CPQ: variants seen among roughly 807,000 people sequenced by gnomAD.
CPQ encodes carboxypeptidase Q, also known as Ser-Met dipeptidase.
Under a neutral mutation model 45.7 loss-of-function variants are expected in CPQ, and 37 were observed. The ratio of observed to expected loss-of-function variants is 0.81; its 90% CI spans 0.62 to 1.07. The LOEUF is 1.07. CPQ is among the 50% of genes least tolerant of loss of function. The probability of loss-of-function intolerance (pLI) is 0.00; values close to 1 mark genes in which losing one functional copy is unlikely to be tolerated. For missense variants in CPQ, 537 were observed against 572.9 expected (o/e 0.94, Z 0.64); for synonymous variants, 186 against 205.8 (o/e 0.90, Z 0.82).
intron 5 of CPQ, among the ~76,000 whole-genome samples, chr8:97,009,788 G>T (rs1291135687): frequency 6.6e-6 from 1 of 152,140 alleles, no homozygotes; most frequent in African/African-American, 2.4e-5. Context: ...TTTTATCCGA[G>T]GTCTGTGCAT....
At chr8:96,682,500 G>A (rs947002508) in intron 1 of CPQ, among the ~76,000 whole-genome samples, 2 of 152,176 alleles carry the variant, frequency 1.3e-5, no homozygotes, top group African/African-American at 2.4e-5. Flanking sequence ...TTTGTAAGTT[G>A]CCTAGTCTTG....
chr8:96,964,131 C>T (rs187306565), intron 4 of CPQ, among the ~76,000 whole-genome samples: 239 of 145,388 alleles, frequency 1.6e-3, no homozygotes, highest in Non-Finnish European at 3.0e-3. Context: ...ATTATGAATA[C>T]TCTGTTATGA....
At chr8:96,987,209 T>G (rs536172814) in intron 5 of CPQ, among the ~76,000 whole-genome samples, 1 of 152,162 alleles carries the variant, frequency 6.6e-6, no homozygotes, top group Non-Finnish European at 1.5e-5. Flanking sequence ...ATTGTCAGAT[T>G]TGAGCTCTTG....
chr8:96,861,159 A>G (rs1586429630), intron 3 of CPQ, among the ~76,000 whole-genome samples: 2 of 152,272 alleles, frequency 1.3e-5, no homozygotes, highest in Non-Finnish European at 2.9e-5. Flanking sequence ...GTACTACATC[A>G]TATAAATTGT....
At chr8:97,058,606 G>A (rs571242770) in intron 6 of CPQ, among the ~76,000 whole-genome samples, 6 of 152,274 alleles carry the variant, frequency 3.9e-5, no homozygotes, top group Non-Finnish European at 7.4e-5. Context: ...CAGATAACCT[G>A]TTAGAAGAGG....
rs113681002 is a variant in CPQ, at chr8:96,897,859, C to T, written c.849+17854C>T. 5.0e-3 allele frequency among the ~76,000 whole-genome samples: 768 copies of T among 152,220 alleles called. 11 individuals are homozygous for T. The highest frequency in any genetic ancestry group is 0.018 in the African/African-American group (738 of 41,526). On this transcript the variant is annotated intron_variant, in intron 4 of 7. Coordinates refer to ENST00000220763, the MANE Select transcript of CPQ (RefSeq NM_016134.4). Reference sequence around the variant, plus strand: ...TAAATTGTTGAAGTCTTAGAAGGGGCGCATTCAGCAGTTAGAGCTTCCCTT... The same window carrying T: ...TAAATTGTTGAAGTCTTAGAAGGGGTGCATTCAGCAGTTAGAGCTTCCCTT...
At chr8:97,018,835 C>G (rs1237809106) in intron 5 of CPQ, among the ~76,000 whole-genome samples, 2 of 152,020 alleles carry the variant, frequency 1.3e-5, no homozygotes, top group Non-Finnish European at 2.9e-5. Flanking sequence ...GAAAACTTCC[C>G]CAGCCTTGGT....
intron 4 of CPQ, among the ~76,000 whole-genome samples, chr8:96,915,392 T>G (rs767558811): frequency 2.6e-5 from 4 of 152,158 alleles, no homozygotes; most frequent in Non-Finnish European, 5.9e-5. Context: ...CTGAACATAA[T>G]TTTTCATTTT....
chr8:96,808,732 G>GT (rs1190371260), intron 2 of CPQ, among the ~76,000 whole-genome samples: 1 of 152,140 alleles, frequency 6.6e-6, no homozygotes, highest in Admixed American at 6.6e-5. Context: ...TTGTTCTTAT[G>GT]TTTTTCAAGG....
chr8:96,715,056 G>A lies in CPQ; in HGVS notation c.-35+69654G>A, dbSNP rs115514087. ...GAAGCTTATCTTATTCCCCAGTGAT[G>A]TGCACATTTTAATTTATTTTTTTCC... On this transcript the variant is annotated intron_variant, in intron 1 of 7. Coordinates refer to ENST00000220763, the MANE Select transcript of CPQ (RefSeq NM_016134.4). Among the ~76,000 whole-genome samples, 337 of 152,116 alleles carry A rather than the reference G, an allele frequency of 2.2e-3. 1 individual carries two copies. The highest frequency in any genetic ancestry group is 7.8e-3 in the African/African-American group (322 of 41,378).
At chr8:97,064,426 T>G (rs1182464636) in intron 6 of CPQ, among the ~76,000 whole-genome samples, 1 of 152,186 alleles carries the variant, frequency 6.6e-6, no homozygotes, top group Non-Finnish European at 1.5e-5. Flanking sequence ...TTAACTCTAA[T>G]GATGCTACCA....
intron 1 of CPQ, among the ~76,000 whole-genome samples, chr8:96,772,575 C>G (rs914503207): frequency 4.6e-5 from 7 of 151,978 alleles, no homozygotes; most frequent in African/African-American, 1.5e-4. Flanking sequence ...AAGGAGAAGC[C>G]TTAGGAATCA....
chr8:96,747,799 C>A (rs890413268), intron 1 of CPQ, among the ~76,000 whole-genome samples: 5 of 152,166 alleles, frequency 3.3e-5, no homozygotes, highest in Admixed American at 6.5e-5. Flanking sequence ...ATGCTGGACT[C>A]CATCTAGGCC....
At chr8:96,877,545 G>A (rs1219232970) in intron 3 of CPQ, among the ~76,000 whole-genome samples, 1 of 152,176 alleles carries the variant, frequency 6.6e-6, no homozygotes, top group Non-Finnish European at 1.5e-5. Context: ...CCTACATGTT[G>A]CAAGGTAATT....
At chr8:96,733,648 A>G (rs1252187895) in intron 1 of CPQ, among the ~76,000 whole-genome samples, 1 of 152,212 alleles carries the variant, frequency 6.6e-6, no homozygotes, top group Non-Finnish European at 1.5e-5. Flanking sequence ...TAAAATTTTA[A>G]TAATACATTT....
chr8:96,743,544 G>A (rs1418726351), intron 1 of CPQ, among the ~76,000 whole-genome samples: 1 of 152,110 alleles, frequency 6.6e-6, no homozygotes. Context: ...TGGAGGAGGA[G>A]AGGCACTCTG....
intron 1 of CPQ, among the ~76,000 whole-genome samples, chr8:96,729,589 C>T (rs771254311): frequency 9.9e-5 from 15 of 152,138 alleles, no homozygotes; most frequent in Admixed American, 2.6e-4. Flanking sequence ...CTGGATTTAA[C>T]AATTGTCAAC....
intron 5 of CPQ, among the ~76,000 whole-genome samples, chr8:97,018,065 CTG>C (rs1809613401): frequency 1.3e-5 from 2 of 152,220 alleles, no homozygotes; most frequent in Non-Finnish European, 2.9e-5. Context: ...TCACAGGACT[CTG>C]TGCAGATGAC....
chr8:96,677,013 T>C (rs1015353396), intron 1 of CPQ, among the ~76,000 whole-genome samples: 5 of 152,132 alleles, frequency 3.3e-5, no homozygotes, highest in African/African-American at 1.2e-4. Flanking sequence ...TTTGTTCATT[T>C]TTATGGCTGA....
Sources: gnomAD v4.1 joint callset for allele counts (sites outside exome capture counted in the v4.1 genomes callset) on GRCh38, gnomAD v4.1.1 for gene constraint, MANE v1.5 for transcripts, NCBI Gene and HGNC (gene_info 2026-07-23, HGNC 2026-07-21) for gene names.